The following GALNT7 variants were observed in gnomAD, a reference collection of about 807,000 sequenced individuals.
The protein encoded by GALNT7 is N-acetylgalactosaminyltransferase 7.
Under a neutral mutation model 82.1 loss-of-function variants are expected in GALNT7, and 60 were observed. The observed-to-expected ratio is 0.73, with a 90% CI of 0.59 to 0.91. The LOEUF is 0.91. Ranked by LOEUF, GALNT7 falls within the 40% of genes least tolerant of loss-of-function variation. GALNT7 has a pLI of 0.00. For missense variants in GALNT7, 660 were observed against 804.2 expected (o/e 0.82, Z 2.17); for synonymous variants, 243 against 275.1 (o/e 0.88, Z 1.15).
intron 8 of GALNT7, among the ~76,000 whole-genome samples, chr4:173,309,892 C>T (rs1169841146): frequency 6.6e-6 from 1 of 151,912 alleles, no homozygotes; most frequent in African/African-American, 2.4e-5. Context: ...TCAACAATCA[C>T]GAAGAATTGA....
intron 8 of GALNT7, among the ~76,000 whole-genome samples, chr4:173,307,735 TC>T (rs1332227289): frequency 6.6e-6 from 1 of 152,158 alleles, no homozygotes; most frequent in Non-Finnish European, 1.5e-5. Context: ...GGTTCTAGTG[TC>T]GGGGCAGGCC....
chr4:173,283,345 A>G (rs1235189039), intron 2 of GALNT7, among the ~76,000 whole-genome samples: 2 of 152,184 alleles, frequency 1.3e-5, no homozygotes, highest in Admixed American at 6.5e-5. Flanking sequence ...AATCTTAGAT[A>G]GGACTTTCTA....
At chr4:173,308,860 G>A (rs544548030) in intron 8 of GALNT7, among the ~76,000 whole-genome samples, 11 of 152,264 alleles carry the variant, frequency 7.2e-5, no homozygotes, top group Non-Finnish European at 1.5e-4. Context: ...CCGAGATCTC[G>A]CTGCTGCACT....
chr4:173,318,979 G>A (rs1737705307), intron 11 of GALNT7, among the ~76,000 whole-genome samples: 1 of 151,996 alleles, frequency 6.6e-6, no homozygotes, highest in South Asian at 2.1e-4. Flanking sequence ...CCAGCAGGTG[G>A]AGATAGAGAC....
chr4:173,199,039 T>C (rs902609993), intron 1 of GALNT7, among the ~76,000 whole-genome samples: 34 of 152,174 alleles, frequency 2.2e-4, no homozygotes, highest in African/African-American at 8.0e-4. Flanking sequence ...AGAGCACACT[T>C]TGAGGAAAGC....
chr4:173,182,109 G>T (rs1344963967), intron 1 of GALNT7, among the ~76,000 whole-genome samples: 1 of 152,182 alleles, frequency 6.6e-6, no homozygotes, highest in Non-Finnish European at 1.5e-5. Flanking sequence ...ACTTCCTAAA[G>T]ATAAATGAAT....
rs2126840164 is a variant in GALNT7 at position 173,298,145 on chromosome 4, CAT to C, written c.998_999del (p.Ile333LysfsTer6). The C allele has an allele frequency of 6.2e-7, 1 of 1,613,972 alleles. No homozygotes were observed. Among genetic ancestry groups the C allele is most frequent in the East Asian group, 2.2e-5 (1 of 44,874 alleles). ...TICTVPLIDV[I>X]NGNTYEIIPQ... Reference sequence around the variant, plus strand: ...TTTGCACTGTGCCGCTTATAGATGTCATAAATGGCAACACATATGAAATTATA... The same window carrying C: ...TTTGCACTGTGCCGCTTATAGATGTCAAATGGCAACACATATGAAATTATA... On this transcript the variant is annotated frameshift_variant, in exon 6 of 12. Coordinates refer to ENST00000265000, the MANE Select transcript of GALNT7 (RefSeq NM_017423.3). LOFTEE classifies it high-confidence loss of function.
At chr4:173,247,947 G>A in intron 1 of GALNT7, 33 bp from the exon 2 acceptor site, 5 of 1,421,164 alleles carry the variant, frequency 3.5e-6, no homozygotes, top group Non-Finnish European at 4.9e-6. Context: ...TTGCCTTCAT[G>A]TACTCATTGT....
intron 2 of GALNT7, among the ~76,000 whole-genome samples, chr4:173,263,942 C>G (rs760957827): frequency 1.3e-5 from 2 of 152,172 alleles, no homozygotes; most frequent in Non-Finnish European, 1.5e-5. Context: ...AGGTTCTAAA[C>G]TGCTAGCTCA....
chr4:173,200,006 A>G (rs1732895821), intron 1 of GALNT7, among the ~76,000 whole-genome samples: 3 of 152,184 alleles, frequency 2.0e-5, no homozygotes, highest in Admixed American at 1.3e-4. Context: ...AAAATTGGCA[A>G]TCCATGTATA....
In GALNT7 at chr4:173,321,646, G is replaced by C; in HGVS notation, c.1903G>C (p.Val635Leu). 1 of 1,601,258 alleles carries C rather than the reference G, an allele frequency of 6.2e-7. No homozygotes were observed. The highest frequency in any genetic ancestry group is 8.6e-7 in the Non-Finnish European group (1 of 1,168,534). ...CLDRSEVLHQ[V>L]FISNCDSSKT... ...AGATCGCTCAGAGGTCCTGCATCAA[G>C]TATTCATCTCCAATTGTGACTCCAG... The change falls in exon 12 of 12, where the codon GTA becomes CTA. Residue 635 changes from valine to leucine, a missense_variant. This residue lies in a region of GALNT7 where 527 missense variants were observed against 683.5 expected (regional missense o/e 0.77). Coordinates refer to ENST00000265000, the MANE Select transcript of GALNT7 (RefSeq NM_017423.3).
intron 2 of GALNT7, among the ~76,000 whole-genome samples, chr4:173,261,063 G>A (rs1418213090): frequency 2.6e-5 from 4 of 152,194 alleles, no homozygotes; most frequent in African/African-American, 7.2e-5. Flanking sequence ...TCCTGCATCT[G>A]TATAATTGTC....
At chr4:173,186,950 A>G (rs759853790) in intron 1 of GALNT7, among the ~76,000 whole-genome samples, 8 of 152,032 alleles carry the variant, frequency 5.3e-5, no homozygotes, top group Non-Finnish European at 7.4e-5. Context: ...TATTTTTAGT[A>G]GAGACGGATG....
chr4:173,226,649 G>GT (rs1201485784), intron 1 of GALNT7, among the ~76,000 whole-genome samples: 34 of 152,176 alleles, frequency 2.2e-4, no homozygotes, highest in Non-Finnish European at 2.5e-4. Flanking sequence ...CCAACTGTCT[G>GT]TCTTCTGTGT....
intron 1 of GALNT7, among the ~76,000 whole-genome samples, chr4:173,235,995 C>T (rs1734217137): frequency 6.6e-6 from 1 of 152,178 alleles, no homozygotes; most frequent in Non-Finnish European, 1.5e-5. Context: ...ATTTGCTTAC[C>T]TTTGTATCTC....
At chr4:173,307,812 A>G (rs1156677299) in intron 8 of GALNT7, among the ~76,000 whole-genome samples, 2 of 152,224 alleles carry the variant, frequency 1.3e-5, no homozygotes, top group Non-Finnish European at 2.9e-5. Context: ...CTTCAGGATC[A>G]GGGCTCACTG....
At chr4:173,240,531 G>A (rs1247769375) in intron 1 of GALNT7, among the ~76,000 whole-genome samples, 1 of 152,024 alleles carries the variant, frequency 6.6e-6, no homozygotes, top group South Asian at 2.1e-4. Flanking sequence ...ACCACGCCTG[G>A]CTAATTTTTG....
intron 1 of GALNT7, among the ~76,000 whole-genome samples, chr4:173,230,569 A>G (rs1167372755): frequency 6.6e-6 from 1 of 152,200 alleles, no homozygotes. Flanking sequence ...TTTACTATAT[A>G]AATCAGAAAT....
chr4:173,314,592 A>C (rs1737524683), intron 9 of GALNT7, among the ~76,000 whole-genome samples: 1 of 152,196 alleles, frequency 6.6e-6, no homozygotes, highest in Non-Finnish European at 1.5e-5. Context: ...AACACCCAAA[A>C]TCACCTATCT....
Sources: allele counts gnomAD v4.1 joint callset (sites outside exome capture counted in the v4.1 genomes callset), GRCh38; gene constraint gnomAD v4.1.1; regional missense constraint gnomAD v4.1.1; transcripts MANE v1.5; gene names NCBI Gene and HGNC (gene_info 2026-07-23, HGNC 2026-07-21).